The following ACTR2 variants were observed in gnomAD, a reference collection of about 807,000 sequenced individuals.
ACTR2 encodes actin-related protein 2.
Under a neutral mutation model 50.2 loss-of-function variants are expected in ACTR2, and 5 were observed. The observed-to-expected ratio is 0.10, with a 90% CI of 0.05 to 0.21. The LOEUF is 0.21. Among genes scored for constraint, ACTR2 ranks in the 10% least tolerant of loss-of-function variants. ACTR2 has a pLI of 1.00. For synonymous variants in ACTR2, 140 were observed against 162.9 expected, an observed-to-expected ratio of 0.86 and a Z score of 1.07; for missense variants, 180 against 480.6, an observed-to-expected ratio of 0.37 and a Z score of 5.85.
chr2:65,230,094 C>T (rs990179478), intron 1 of ACTR2, among the ~76,000 whole-genome samples: 7 of 152,202 alleles, frequency 4.6e-5, no homozygotes, highest in Admixed American at 4.6e-4. Context: ...TATTATTAAA[C>T]TATATTTAAA....
chr2:65,264,984 C>T (rs1322375967), intron 7 of ACTR2, 59 bp from the exon 8 acceptor site: 26 of 1,598,004 alleles, frequency 1.6e-5, no homozygotes, highest in South Asian at 4.4e-5. Context: ...TAACAGTAAC[C>T]CTGAGATACC....
chr2:65,241,942 C>G, intron 2 of ACTR2: 1 of 1,451,938 alleles, frequency 6.9e-7, no homozygotes, highest in Non-Finnish European at 9.6e-7. Context: ...ACCTAATTGT[C>G]TCTATTGCTT....
At chr2:65,248,834 C>T (rs907820265) in intron 3 of ACTR2, among the ~76,000 whole-genome samples, 1 of 151,844 alleles carries the variant, frequency 6.6e-6, no homozygotes, top group African/African-American at 2.4e-5. Flanking sequence ...GCCAACATGG[C>T]AAAACTCCGT....
At position 65,271,012 on chromosome 2, in the gene ACTR2, A is replaced by G. The variant is rs1448028704; in HGVS notation, c.*2278A>G. The stretch of plus-strand genomic sequence containing the variant: ...TAAAATTTTTAAATTAGAATTGCCA[A>G]TACTTCTACATTTGAGAAGGGTTTT... On this transcript the variant is annotated 3_prime_UTR_variant, in exon 9 of 9. Coordinates refer to ENST00000260641, the MANE Select transcript of ACTR2 (RefSeq NM_005722.4). 3 of 152,204 alleles carry G rather than the reference A, an allele frequency of 2.0e-5. No homozygotes were observed. Among genetic ancestry groups the G allele is most frequent in the Non-Finnish European group, 4.4e-5 (3 of 68,032 alleles). 9.4% of individuals were successfully genotyped at this position (152,204 alleles called of 1,614,324 possible). A position where few individuals can be genotyped will look rare whatever the true frequency, so the allele number is the denominator to read the frequency against.
At chr2:65,265,209 C>A (rs1190976504) in intron 8 of ACTR2, 34 bp downstream of exon 8, 14 of 1,610,946 alleles carry the variant, frequency 8.7e-6, no homozygotes, top group South Asian at 2.2e-5. Flanking sequence ...TACTAACATT[C>A]TTTTAAAAGG....
intron 6 of ACTR2, among the ~76,000 whole-genome samples, chr2:65,259,596 G>GCTA (rs1672224483): frequency 1.3e-5 from 2 of 152,116 alleles, no homozygotes; most frequent in Non-Finnish European, 2.9e-5. Flanking sequence ...AGGCGTGGTG[G>GCTA]CACATGCCTG....
In ACTR2 at chr2:65,268,794, T is replaced by G; in HGVS notation, c.*60T>G. 2 of 1,540,948 alleles carry G rather than the reference T, an allele frequency of 1.3e-6. No individual in the cohort carries two copies. Among genetic ancestry groups the G allele is most frequent in the African/African-American group, 1.4e-5 (1 of 72,830 alleles). On this transcript the variant is annotated 3_prime_UTR_variant, in exon 9 of 9. Transcript: ENST00000260641. ...TTTCTTTTTTCCTTTATTGCCAATC[T>G]TTGAACTCATTCAACTCCAGGACAT...
chr2:65,240,308 C>G (rs1456742408), intron 2 of ACTR2, among the ~76,000 whole-genome samples: 1 of 152,022 alleles, frequency 6.6e-6, no homozygotes, highest in Non-Finnish European at 1.5e-5. Flanking sequence ...CTTTCAATTC[C>G]ATATATTTGT....
chr2:65,252,751 T>C (rs1039765159), intron 4 of ACTR2, among the ~76,000 whole-genome samples: 1 of 152,176 alleles, frequency 6.6e-6, no homozygotes, highest in Non-Finnish European at 1.5e-5. Flanking sequence ...GTCAAATTGC[T>C]GTATCTCCAG....
At chr2:65,241,291 A>T (rs1385948517) in intron 2 of ACTR2, among the ~76,000 whole-genome samples, 1 of 152,170 alleles carries the variant, frequency 6.6e-6, no homozygotes, top group East Asian at 1.9e-4. Flanking sequence ...TTTTTTATAT[A>T]CTGGACAATA....
Position 65,240,922 on chromosome 2 carries a change from A to G in ACTR2, c.159+960A>G, listed in dbSNP as rs72892665. On this transcript the variant is annotated intron_variant, in intron 2 of 8. Transcript: ENST00000260641. ...TGGTAATGGGTGGTAGAGATTTGCT[A>G]TGTAGCCTTCTGCTTTTGGGATAGA... Among the ~76,000 whole-genome samples the G allele has an allele frequency of 3.0e-3, 463 of 152,116 alleles. 2 individuals are homozygous for G. Among genetic ancestry groups the G allele is most frequent in the African/African-American group, 0.011 (440 of 41,512 alleles).
Position 65,246,753 on chromosome 2 carries a change from C to T in ACTR2, c.375+14C>T, listed in dbSNP as rs1197057411. The T allele has an allele frequency of 1.3e-6, 2 of 1,534,490 alleles. No individual in the cohort carries two copies. The stretch of plus-strand genomic sequence containing the variant: ...AAGATTGTAGAGGTGAGTTTTTATG[C>T]AGGATATGCATATGTGTATTTCTGT... On this transcript the variant is annotated intron_variant, in intron 3 of 8. Coordinates refer to ENST00000260641, the MANE Select transcript of ACTR2 (RefSeq NM_005722.4).
intron 1 of ACTR2, among the ~76,000 whole-genome samples, chr2:65,228,703 A>G (rs1045023800): frequency 6.6e-6 from 1 of 151,882 alleles, no homozygotes; most frequent in African/African-American, 2.4e-5. Context: ...TGATTATCCC[A>G]CCCCCAGCCC....
chr2:65,237,967 C>G (rs1450561912), intron 1 of ACTR2, among the ~76,000 whole-genome samples: 4 of 152,046 alleles, frequency 2.6e-5, no homozygotes, highest in Non-Finnish European at 5.9e-5. Flanking sequence ...GCACTCCAGC[C>G]TGGGCGACAG....
At chr2:65,251,736 A>G (rs1178063028) in intron 4 of ACTR2, among the ~76,000 whole-genome samples, 1 of 152,212 alleles carries the variant, frequency 6.6e-6, no homozygotes, top group Non-Finnish European at 1.5e-5. Context: ...CAGAGATTCA[A>G]AAAGGTAGCA....
At chr2:65,254,189 A>C (rs2104007962) in intron 5 of ACTR2, among the ~76,000 whole-genome samples, 1 of 152,270 alleles carries the variant, frequency 6.6e-6, no homozygotes, top group East Asian at 1.9e-4. Flanking sequence ...CCTAATTTGA[A>C]ACTTTCTTGG....
In ACTR2 at chr2:65,270,526, C is replaced by T. The variant is rs572014687; in HGVS notation, c.*1792C>T. 25 of 152,548 alleles carry T rather than the reference C, an allele frequency of 1.6e-4. No individual in the cohort carries two copies. The highest frequency in any genetic ancestry group is 5.5e-4 in the African/African-American group (23 of 41,500). 9.4% of individuals were successfully genotyped at this position (152,548 alleles called of 1,614,324 possible). On this transcript the variant is annotated 3_prime_UTR_variant, in exon 9 of 9. Coordinates refer to ENST00000260641, the MANE Select transcript of ACTR2 (RefSeq NM_005722.4). ...ATAAATACCCCCAGCCTTTTGAGAA[C>T]GGGGCTTGTTAAAGGACGCGTATGT... is the stretch of plus-strand genomic sequence containing the variant.
chr2:65,257,754 C>T (rs952413132), intron 6 of ACTR2, among the ~76,000 whole-genome samples: 1 of 152,164 alleles, frequency 6.6e-6, no homozygotes, highest in Non-Finnish European at 1.5e-5. Flanking sequence ...TGAAAAGTGT[C>T]TGTTCGTATC....
intron 7 of ACTR2, among the ~76,000 whole-genome samples, chr2:65,263,405 G>A (rs1672313287): frequency 6.6e-6 from 1 of 151,814 alleles, no homozygotes; most frequent in African/African-American, 2.4e-5. Context: ...CATATAAAAA[G>A]ATTTATAGTC....
Sources: gnomAD v4.1 joint callset for allele counts (sites outside exome capture counted in the v4.1 genomes callset) on GRCh38, gnomAD v4.1.1 for gene constraint, MANE v1.5 for transcripts, NCBI Gene and HGNC (gene_info 2026-07-23, HGNC 2026-07-21) for gene names.